TSPAN9: variants seen among roughly 807,000 people sequenced by gnomAD.
TSPAN9 encodes tetraspanin-9.
A neutral mutation model predicts 31.0 loss-of-function variants in TSPAN9; 16 were observed. The ratio of observed to expected loss-of-function variants is 0.52; its 90% confidence interval spans 0.35 to 0.78. The LOEUF (loss-of-function observed/expected upper bound fraction) is 0.78, where lower values mean the gene tolerates loss of function less well. Ranked by LOEUF, TSPAN9 falls within the 30% of genes least tolerant of loss-of-function variation. The pLI, the probability that TSPAN9 is intolerant of heterozygous loss-of-function variation, is 0.01. For missense variants in TSPAN9, 272 were observed against 312.5 expected (o/e 0.87, Z 0.98); for synonymous variants, 145 against 121.6 (o/e 1.19, Z -1.27).
intron 2 of TSPAN9, among the ~76,000 whole-genome samples, chr12:3,122,767 A>G (rs572603411): frequency 1.4e-4 from 21 of 152,144 alleles, no homozygotes; most frequent in Admixed American, 8.5e-4. Context: ...GCTACACAGT[A>G]TGTCCTTTCT....
chr12:3,251,835 G>A (rs1373460811), intron 3 of TSPAN9, among the ~76,000 whole-genome samples: 2 of 152,134 alleles, frequency 1.3e-5, no homozygotes, highest in African/African-American at 4.8e-5. Context: ...AAGGGGACCC[G>A]GCTCCCAGGG....
chr12:3,109,857 G>A (rs948757157), intron 2 of TSPAN9, among the ~76,000 whole-genome samples: 1 of 151,424 alleles, frequency 6.6e-6, no homozygotes, highest in Non-Finnish European at 1.5e-5. Context: ...AGAGACCAGA[G>A]GAGTTGATGA....
intron 3 of TSPAN9, among the ~76,000 whole-genome samples, chr12:3,257,618 C>A (rs1862371835): frequency 6.6e-6 from 1 of 152,054 alleles, no homozygotes; most frequent in Non-Finnish European, 1.5e-5. Flanking sequence ...AAAAGCCAGG[C>A]CTGTCTCCTG....
At chr12:3,207,128 G>A (rs2098375712) in intron 3 of TSPAN9, among the ~76,000 whole-genome samples, 1 of 152,018 alleles carries the variant, frequency 6.6e-6, no homozygotes, top group African/African-American at 2.4e-5. Flanking sequence ...AAGTAGAGGG[G>A]CACTGCAGCA....
intron 2 of TSPAN9, among the ~76,000 whole-genome samples, chr12:3,113,954 A>C (rs139804581): frequency 1.3e-3 from 204 of 152,296 alleles, no homozygotes; most frequent in Middle Eastern, 3.4e-3. Flanking sequence ...CCCTCCCAGC[A>C]GCATTTCCCC....
intron 2 of TSPAN9, among the ~76,000 whole-genome samples, chr12:3,101,570 A>C (rs1001245528): frequency 6.6e-6 from 1 of 151,968 alleles, no homozygotes; most frequent in Non-Finnish European, 1.5e-5. Context: ...TGTGCTCCTT[A>C]CTACTGTTTT....
chr12:3,111,316 T>C (rs2098318542), intron 2 of TSPAN9, among the ~76,000 whole-genome samples: 1 of 152,218 alleles, frequency 6.6e-6, no homozygotes, highest in Admixed American at 6.5e-5. Flanking sequence ...ACATTTTTGG[T>C]TCATAGTTGG....
At chr12:3,114,927 C>T (rs1211696755) in intron 2 of TSPAN9, among the ~76,000 whole-genome samples, 1 of 151,702 alleles carries the variant, frequency 6.6e-6, no homozygotes, top group East Asian at 1.9e-4. Flanking sequence ...AGATGTTACT[C>T]ACATACCATA....
At chr12:3,189,907 A>T (rs2098363426) in intron 2 of TSPAN9, among the ~76,000 whole-genome samples, 2 of 152,310 alleles carry the variant, frequency 1.3e-5, no homozygotes, top group South Asian at 4.2e-4. Flanking sequence ...CCTTCGAGCC[A>T]TAAGACAGCC....
chr12:3,109,836 T>C (rs917340886), intron 2 of TSPAN9, among the ~76,000 whole-genome samples: 5 of 146,184 alleles, frequency 3.4e-5, no homozygotes, highest in Non-Finnish European at 6.0e-5. Flanking sequence ...GGCATAAAAC[T>C]ACAATTTTAA....
intron 2 of TSPAN9, among the ~76,000 whole-genome samples, chr12:3,135,487 G>A (rs965045189): frequency 6.6e-6 from 1 of 152,124 alleles, no homozygotes; most frequent in African/African-American, 2.4e-5. Context: ...TTTTTGACAC[G>A]TTTTCTCCTT....
chr12:3,164,165 G>A (rs938710711), intron 2 of TSPAN9, among the ~76,000 whole-genome samples: 8 of 152,212 alleles, frequency 5.3e-5, no homozygotes, highest in African/African-American at 1.9e-4. Flanking sequence ...TCTGTATTTA[G>A]ATGAGCTTTC....
rs374588418 is a variant in TSPAN9, at chr12:3,167,869, G to C, written c.-17-33308G>C. On this transcript the variant is annotated intron_variant, in intron 2 of 8. Coordinates refer to ENST00000011898, the MANE Select transcript of TSPAN9 (RefSeq NM_006675.5). The stretch of plus-strand genomic sequence containing the variant: ...GGGGGAGCCTTAGACCACACCTGCA[G>C]AGTTCCCATCTGGGGCAATGTGCCT... Among the ~76,000 whole-genome samples, 68 of 152,340 alleles carry C rather than the reference G, an allele frequency of 4.5e-4. No homozygotes were observed. The East Asian group carries it at 0.013, about 29-fold the overall frequency.
chr12:3,250,903 A>G (rs1166414761), intron 3 of TSPAN9, among the ~76,000 whole-genome samples: 1 of 152,152 alleles, frequency 6.6e-6, no homozygotes, highest in African/African-American at 2.4e-5. Context: ...CTGAGGTTGG[A>G]CCGGGGTGAC....
At position 3,274,582 on chromosome 12, in the gene TSPAN9, G is replaced by T. The variant is rs73256360; in HGVS notation, c.64-3839G>T. 4.7e-3 allele frequency among the ~76,000 whole-genome samples: 717 copies of T among 152,358 alleles called. 33 individuals are homozygous for T. The East Asian group carries it at 0.094, about 20-fold the overall frequency. On this transcript the variant is annotated intron_variant, in intron 3 of 8. Coordinates refer to ENST00000011898, the MANE Select transcript of TSPAN9 (RefSeq NM_006675.5). Reference sequence around the variant, plus strand: ...GGTCCCCTGGGAGCAGGTAGTGAAGGCTTCTGCACCAAATGCCAGAAACCA... The same window carrying T: ...GGTCCCCTGGGAGCAGGTAGTGAAGTCTTCTGCACCAAATGCCAGAAACCA...
intron 2 of TSPAN9, among the ~76,000 whole-genome samples, chr12:3,197,593 G>C (rs1382168261): frequency 6.6e-6 from 1 of 152,044 alleles, no homozygotes; most frequent in Non-Finnish European, 1.5e-5. Context: ...ACTCAGAATG[G>C]GAGAGCTCTC....
In TSPAN9 at chr12:3,280,840, AT is replaced by A. The variant is rs896661456; in HGVS notation, c.433-354del. On this transcript the variant is annotated intron_variant, in intron 6 of 8. Transcript: ENST00000011898. The surrounding 1 kb of genome is among the most constrained non-coding windows in gnomAD (Gnocchi z 4.5). ...CAAGTCCATAGTCCCAGATGCTCCC[AT>A]TTTAAGCCCTGGGGAGGGGCCGGCA... is the stretch of plus-strand genomic sequence containing the variant. Among the ~76,000 whole-genome samples, 12 of 152,224 alleles carry A rather than the reference AT, an allele frequency of 7.9e-5. No homozygotes were observed. Among genetic ancestry groups the A allele is most frequent in the South Asian group, 4.1e-4 (2 of 4,822 alleles).
chr12:3,211,957 T>C (rs73041779), intron 3 of TSPAN9: 399,870 of 1,117,578 alleles, frequency 0.36, 73,538 homozygotes, highest in South Asian at 0.45. Context: ...GAAAGCAAAA[T>C]TGCTGTCTTT....
At chr12:3,205,730 C>CA (rs2098374785) in intron 3 of TSPAN9, among the ~76,000 whole-genome samples, 1 of 140,978 alleles carries the variant, frequency 7.1e-6, no homozygotes, top group Non-Finnish European at 1.5e-5. Context: ...CCCCCCCCCC[C>CA]AGAGTGCTCA....
Sources: gnomAD v4.1 joint callset for allele counts (sites outside exome capture counted in the v4.1 genomes callset) on GRCh38, gnomAD v4.1.1 for gene constraint, Gnocchi (gnomAD v3.1) non-coding constraint, MANE v1.5 for transcripts, NCBI Gene and HGNC (gene_info 2026-07-23, HGNC 2026-07-21) for gene names.